Variants in RBMS3 observed in about 807,000 individuals in gnomAD.
RBMS3 encodes the protein RNA-binding motif, single-stranded-interacting protein 3.
Under a neutral mutation model 66.8 loss-of-function variants are expected in RBMS3, and 27 were observed. The ratio of observed to expected loss-of-function variants is 0.40; its 90% confidence interval spans 0.30 to 0.56. The LOEUF (loss-of-function observed/expected upper bound fraction) is 0.56, where lower values mean the gene tolerates loss of function less well. Among genes scored for constraint, RBMS3 ranks in the 20% least tolerant of loss-of-function variants. RBMS3 has a pLI of 0.40. For synonymous variants in RBMS3, 188 were observed against 183.0 expected (o/e 1.03, Z -0.22); for missense variants, 513 against 549.5 (o/e 0.93, Z 0.66).
chr3:29,962,551 CATATAT>C lies in RBMS3; in HGVS notation c.1098+18309_1098+18314del, dbSNP rs148691765. Among the ~76,000 whole-genome samples the C allele has an allele frequency of 9.6e-5, 13 of 135,208 alleles. 2 individuals carry two copies. Among genetic ancestry groups the C allele is most frequent in the African/African-American group, 3.7e-4 (12 of 32,094 alleles). 88.7% of individuals were successfully genotyped at this position (135,208 alleles called of 152,430 possible). On this transcript the variant is annotated intron_variant, in intron 12 of 14. Coordinates refer to ENST00000383767, the MANE Select transcript of RBMS3 (RefSeq NM_001003793.3). ...TCTGTTTTTAATATGGGTCAAGACT[CATATAT>C]ATATATATATAATACCATACCAACA...
At chr3:29,418,629 C>T (rs1183888920) in intron 1 of RBMS3, among the ~76,000 whole-genome samples, 1 of 152,126 alleles carries the variant, frequency 6.6e-6, no homozygotes, top group African/African-American at 2.4e-5. Context: ...AAAAAGAGCT[C>T]TGTCTCTGTG....
chr3:29,715,317 T>G (rs2053345732), intron 4 of RBMS3, among the ~76,000 whole-genome samples: 1 of 152,170 alleles, frequency 6.6e-6, no homozygotes, highest in African/African-American at 2.4e-5. Flanking sequence ...ATAATATGCT[T>G]CATTCATGGC....
chr3:29,422,265 T>C (rs1296403819), intron 1 of RBMS3, among the ~76,000 whole-genome samples: 1 of 152,146 alleles, frequency 6.6e-6, no homozygotes, highest in Non-Finnish European at 1.5e-5. Context: ...CAAGGGCAAA[T>C]GCCCTTTAAC....
chr3:29,697,467 A>G (rs926217203), intron 4 of RBMS3, among the ~76,000 whole-genome samples: 12 of 152,182 alleles, frequency 7.9e-5, no homozygotes, highest in Non-Finnish European at 8.8e-5. Flanking sequence ...TATCTGAGCT[A>G]CCTTGTTTAC....
At chr3:29,909,661 A>T (rs1427123842) in intron 10 of RBMS3, among the ~76,000 whole-genome samples, 2 of 152,122 alleles carry the variant, frequency 1.3e-5, no homozygotes, top group Non-Finnish European at 2.9e-5. Context: ...AGGCACCAAC[A>T]CATCTCCAGA....
intron 5 of RBMS3, among the ~76,000 whole-genome samples, chr3:29,757,249 G>A (rs974973057): frequency 7.2e-5 from 11 of 152,288 alleles, no homozygotes; most frequent in Non-Finnish European, 1.5e-4. Context: ...TTTAGAAGCT[G>A]TGTGTCAGCA....
At chr3:29,705,955 C>G (rs1243067080) in intron 4 of RBMS3, among the ~76,000 whole-genome samples, 1 of 152,146 alleles carries the variant, frequency 6.6e-6, no homozygotes, top group East Asian at 1.9e-4. Context: ...CCTTATTATT[C>G]AACAAAACAG....
At chr3:29,881,866 C>T (rs773832028) in intron 7 of RBMS3, among the ~76,000 whole-genome samples, 3 of 151,930 alleles carry the variant, frequency 2.0e-5, no homozygotes, top group Non-Finnish European at 4.4e-5. Context: ...TCTTTGAGCA[C>T]CGTAGGAAAA....
At chr3:29,599,175 G>A (rs2048063177) in intron 4 of RBMS3, among the ~76,000 whole-genome samples, 1 of 149,124 alleles carries the variant, frequency 6.7e-6, no homozygotes, top group Non-Finnish European at 1.5e-5. Flanking sequence ...TTTTGGTAAA[G>A]CTACTATTTG....
rs561575741 is a variant in RBMS3, at chr3:29,422,347, G to A, written c.76-12396G>A. On this transcript the variant is annotated intron_variant, in intron 1 of 14. Transcript: ENST00000383767. ...AATTTGGAGAAGAAAAAGCAGAACTGTCTTATTACTAGGGATAGTTCCTTC... is the reference window on the plus strand; with the variant it reads ...AATTTGGAGAAGAAAAAGCAGAACTATCTTATTACTAGGGATAGTTCCTTC... Among the ~76,000 whole-genome samples the A allele has an allele frequency of 7.0e-5, 10 of 142,886 alleles. No homozygotes were observed. In the South Asian group the frequency reaches 2.2e-3, roughly 32 times the overall value. The allele number at this position is 142,886 out of a possible 152,430, so 93.7% of individuals were successfully genotyped here. A position where few individuals can be genotyped will look rare whatever the true frequency, so the allele number is the denominator to read the frequency against.
chr3:29,350,929 C>T (rs1693948715), intron 1 of RBMS3, among the ~76,000 whole-genome samples: 1 of 151,622 alleles, frequency 6.6e-6, no homozygotes, highest in Admixed American at 6.6e-5. Flanking sequence ...GAAAAGTGGA[C>T]ATCTTCTGTG....
intron 6 of RBMS3, among the ~76,000 whole-genome samples, chr3:29,805,124 C>CTGTG (rs1453750296): frequency 1.3e-5 from 2 of 151,976 alleles, no homozygotes; most frequent in African/African-American, 4.8e-5. Flanking sequence ...TAATGATGGA[C>CTGTG]TGTGTATATG....
chr3:29,788,916 T>C (rs2056915164), intron 6 of RBMS3, among the ~76,000 whole-genome samples: 1 of 152,174 alleles, frequency 6.6e-6, no homozygotes, highest in South Asian at 2.1e-4. Flanking sequence ...TGAATCTTTT[T>C]CCTAGCTAAT....
chr3:29,789,281 C>CAT (rs970294216), intron 6 of RBMS3, among the ~76,000 whole-genome samples: 10 of 151,716 alleles, frequency 6.6e-5, no homozygotes, highest in Admixed American at 2.0e-4. Context: ...CTGAATATCT[C>CAT]ATATATATAT....
chr3:29,355,732 G>T (rs1256964841), intron 1 of RBMS3, among the ~76,000 whole-genome samples: 5 of 152,090 alleles, frequency 3.3e-5, no homozygotes, highest in African/African-American at 9.7e-5. Flanking sequence ...AAAGCATTGA[G>T]TGTATAGTAC....
intron 4 of RBMS3, among the ~76,000 whole-genome samples, chr3:29,605,339 T>C (rs1369231166): frequency 6.6e-6 from 1 of 151,874 alleles, no homozygotes; most frequent in Non-Finnish European, 1.5e-5. Flanking sequence ...CAAAGGCAAT[T>C]CCTCATGAAA....
intron 2 of RBMS3, among the ~76,000 whole-genome samples, chr3:29,478,504 T>A (rs947545560): frequency 6.6e-6 from 1 of 152,180 alleles, no homozygotes; most frequent in African/African-American, 2.4e-5. Context: ...CCCCATCTCC[T>A]AACACCATCA....
At chr3:29,868,153 T>C (rs570201126) in intron 6 of RBMS3, among the ~76,000 whole-genome samples, 1 of 152,200 alleles carries the variant, frequency 6.6e-6, no homozygotes. Context: ...GACATCAGTT[T>C]TGGTCACTTT....
chr3:29,876,446 T>G (rs986895815), intron 7 of RBMS3, among the ~76,000 whole-genome samples: 1 of 152,240 alleles, frequency 6.6e-6, no homozygotes, highest in Non-Finnish European at 1.5e-5. Flanking sequence ...TTTCTTTAGG[T>G]GAATTATTCA....
Sources: gnomAD v4.1 joint callset for allele counts (sites outside exome capture counted in the v4.1 genomes callset) on GRCh38, gnomAD v4.1.1 for gene constraint, MANE v1.5 for transcripts, NCBI Gene and HGNC (gene_info 2026-07-23, HGNC 2026-07-21) for gene names.